The following GLIS3 variants were observed in gnomAD, a reference collection of about 807,000 sequenced individuals.
GLIS3 encodes the protein GLIS family zinc finger 3.
GLIS3 carries 53 observed loss-of-function variants against 78.6 expected under a neutral mutation model. That is an observed-to-expected ratio of 0.67 (90% CI 0.54 to 0.85). The LOEUF is 0.85. GLIS3 is among the 40% of genes least tolerant of loss of function. The pLI, the probability that GLIS3 is intolerant of heterozygous loss-of-function variation, is 0.00. For synonymous variants in GLIS3, 684 were observed against 509.9 expected, an observed-to-expected ratio of 1.34 and a Z score of -4.60; for missense variants, 1,703 against 1,231.1, an observed-to-expected ratio of 1.38 and a Z score of -5.74.
intron 5 of GLIS3, chr9:3,932,769 T>C: frequency 4.6e-6 from 2 of 430,884 alleles, no homozygotes; most frequent in Non-Finnish European, 9.0e-6. Flanking sequence ...TGGAAATTAT[T>C]AGTAAGCATC....
At chr9:3,878,034 C>T (rs1470101907) in intron 8 of GLIS3, among the ~76,000 whole-genome samples, 2 of 152,164 alleles carry the variant, frequency 1.3e-5, no homozygotes, top group African/African-American at 4.8e-5. Context: ...TGCCTGGATG[C>T]TGTCATCCCA....
chr9:4,292,195 C>A (rs560652007), intron 1 of GLIS3, among the ~76,000 whole-genome samples: 1 of 152,218 alleles, frequency 6.6e-6, no homozygotes, highest in African/African-American at 2.4e-5. Context: ...GATTGCAATT[C>A]ATTGGTGGTC....
chr9:4,480,335 G>C, the GLIS3 span, among the ~76,000 whole-genome samples: 22 of 151,286 alleles, frequency 1.5e-4, no homozygotes, highest in African/African-American at 5.3e-4. Context: ...CTCCCAAGCA[G>C]CTGGGCCTAC....
intron 2 of GLIS3, among the ~76,000 whole-genome samples, chr9:4,189,617 G>T (rs1392674760): frequency 1.3e-5 from 2 of 152,240 alleles, no homozygotes; most frequent in African/African-American, 4.8e-5. Context: ...CATTATTATT[G>T]TGTGGGAGTC....
chr9:4,068,430 G>C (rs1827289245), intron 4 of GLIS3, among the ~76,000 whole-genome samples: 1 of 152,068 alleles, frequency 6.6e-6, no homozygotes, highest in Admixed American at 6.6e-5. Flanking sequence ...CTTCCAAGTT[G>C]CAAAAGGCAA....
the GLIS3 span, among the ~76,000 whole-genome samples, chr9:4,364,223 A>G: frequency 3.3e-5 from 5 of 152,210 alleles, no homozygotes; most frequent in Admixed American, 6.5e-5. Flanking sequence ...CTATTAACAA[A>G]CAGAACAACT....
chr9:4,303,344 C>G (rs1242343807), upstream of GLIS3, among the ~76,000 whole-genome samples: 1 of 151,860 alleles, frequency 6.6e-6, no homozygotes, highest in Non-Finnish European at 1.5e-5. Context: ...TTAGTGTTTG[C>G]CAACTTTAAG....
chr9:3,915,405 A>G (rs989099256), intron 6 of GLIS3, among the ~76,000 whole-genome samples: 15 of 152,022 alleles, frequency 9.9e-5, no homozygotes, highest in South Asian at 2.1e-4. Context: ...TCTCACAAGC[A>G]CTGTCCAGGA....
At chr9:4,193,169 A>G (rs1818488277) in intron 2 of GLIS3, among the ~76,000 whole-genome samples, 1 of 152,266 alleles carries the variant, frequency 6.6e-6, no homozygotes, top group Admixed American at 6.5e-5. Flanking sequence ...GCAAAACTAT[A>G]GCCTGCGAGA....
At chr9:4,201,630 A>T (rs75326918) in intron 2 of GLIS3, among the ~76,000 whole-genome samples, 1,991 of 152,300 alleles carry the variant, frequency 0.013, 26 homozygotes, top group Middle Eastern at 0.02. Context: ...CTAACCAGGG[A>T]GCTAAAAAAT....
At chr9:4,167,332 A>AT (rs536600144) in intron 2 of GLIS3, among the ~76,000 whole-genome samples, 10 of 151,994 alleles carry the variant, frequency 6.6e-5, no homozygotes, top group East Asian at 5.8e-4. Flanking sequence ...ATTCTTGGGA[A>AT]TTTTTTTTTA....
At chr9:3,963,928 C>T (rs1202281551) in intron 4 of GLIS3, among the ~76,000 whole-genome samples, 1 of 152,120 alleles carries the variant, frequency 6.6e-6, no homozygotes, top group Non-Finnish European at 1.5e-5. Context: ...GAACCAGACA[C>T]TATATTCCAC....
At chr9:4,406,233 A>G in the GLIS3 span, among the ~76,000 whole-genome samples, 9 of 152,342 alleles carry the variant, frequency 5.9e-5, no homozygotes, top group Admixed American at 2.6e-4. Flanking sequence ...TAGCAATCAG[A>G]TAAGAGAAAG....
At chr9:4,078,478 A>T (rs1004058600) in intron 4 of GLIS3, among the ~76,000 whole-genome samples, 1 of 152,188 alleles carries the variant, frequency 6.6e-6, no homozygotes, top group Non-Finnish European at 1.5e-5. Context: ...CATGGCCTCA[A>T]GGCTCTCTGG....
chr9:3,857,156 T>C (rs1046730942), intron 8 of GLIS3, among the ~76,000 whole-genome samples: 18 of 152,342 alleles, frequency 1.2e-4, no homozygotes, highest in Admixed American at 8.5e-4. Context: ...GCAGGAAGTC[T>C]GTCAATGCAG....
intron 2 of GLIS3, among the ~76,000 whole-genome samples, chr9:4,240,851 TAAAATA>T (rs897978463): frequency 4.0e-5 from 6 of 151,806 alleles, no homozygotes; most frequent in Non-Finnish European, 7.4e-5. Flanking sequence ...CCCCTGAAAT[TAAAATA>T]AAAGTTAAAA....
At chr9:3,962,355 G>C (rs1052711698) in intron 4 of GLIS3, among the ~76,000 whole-genome samples, 4 of 152,122 alleles carry the variant, frequency 2.6e-5, no homozygotes, top group African/African-American at 9.7e-5. Flanking sequence ...TGGTAGTATA[G>C]ATTAGACACA....
At chr9:4,351,892 G>A (rs78101767), upstream of GLIS3, among the ~76,000 whole-genome samples, 1 of 152,132 alleles carries the variant, frequency 6.6e-6, no homozygotes, top group Non-Finnish European at 1.5e-5. Flanking sequence ...ACAGGATTCT[G>A]AATCTGGAGA....
intron 2 of GLIS3, among the ~76,000 whole-genome samples, chr9:4,167,022 A>C (rs950632206): frequency 1.3e-5 from 2 of 152,374 alleles, no homozygotes; most frequent in Non-Finnish European, 2.9e-5. Flanking sequence ...GGATATAAGA[A>C]AGACAGACGA....
Sources: gnomAD v4.1 joint callset for allele counts (sites outside exome capture counted in the v4.1 genomes callset) on GRCh38, gnomAD v4.1.1 for gene constraint, MANE v1.5 for transcripts, NCBI Gene and HGNC (gene_info 2026-07-23, HGNC 2026-07-21) for gene names.